DOCK1: variants seen among roughly 807,000 people sequenced by gnomAD.
DOCK1 encodes dedicator of cytokinesis protein 1.
A neutral mutation model predicts 262.7 loss-of-function variants in DOCK1; 138 were observed. That is an observed-to-expected ratio of 0.53 (90% confidence interval 0.46 to 0.61). The LOEUF (loss-of-function observed/expected upper bound fraction) is 0.61. Among genes scored for constraint, DOCK1 ranks in the 20% least tolerant of loss-of-function variants. The pLI is 0.00. For synonymous variants in DOCK1, 866 were observed against 867.4 expected (o/e 1.00, Z 0.03); for missense variants, 1,908 against 2,370.7 (o/e 0.80, Z 4.05).
intron 49 of DOCK1, among the ~76,000 whole-genome samples, chr10:127,442,753 T>C (rs1270918631): frequency 1.3e-5 from 2 of 152,242 alleles, no homozygotes; most frequent in African/African-American, 4.8e-5. Context: ...CAAAGCATGC[T>C]GAGCACAGCT....
At chr10:126,993,104 C>T (rs2039929175) in intron 6 of DOCK1, among the ~76,000 whole-genome samples, 1 of 152,222 alleles carries the variant, frequency 6.6e-6, no homozygotes, top group Non-Finnish European at 1.5e-5. Context: ...AATAACTTCT[C>T]CAAGCTTAGG....
intron 29 of DOCK1, among the ~76,000 whole-genome samples, chr10:127,318,076 G>A (rs895911180): frequency 1.3e-5 from 2 of 152,118 alleles, no homozygotes; most frequent in African/African-American, 4.8e-5. Flanking sequence ...AAGTAGAAAT[G>A]TACATAAGGA....
At chr10:127,435,553 G>T (rs777374437) in intron 48 of DOCK1, among the ~76,000 whole-genome samples, 2 of 152,104 alleles carry the variant, frequency 1.3e-5, no homozygotes, top group African/African-American at 2.4e-5. Context: ...CAGCAAGATT[G>T]CTAAAGAAAT....
intron 12 of DOCK1, among the ~76,000 whole-genome samples, chr10:127,016,768 A>G (rs1256615969): frequency 9.0e-6 from 1 of 111,610 alleles, no homozygotes; most frequent in East Asian, 2.6e-4. Flanking sequence ...TATAAACACC[A>G]CAAACACAGA....
intron 27 of DOCK1, among the ~76,000 whole-genome samples, chr10:127,168,505 A>G (rs1195704207): frequency 6.6e-6 from 1 of 152,224 alleles, no homozygotes; most frequent in Non-Finnish European, 1.5e-5. Flanking sequence ...GGCACTCAGT[A>G]TTCCAGAGAA....
At chr10:126,917,350 A>G (rs1394540627) in intron 1 of DOCK1, among the ~76,000 whole-genome samples, 1 of 152,186 alleles carries the variant, frequency 6.6e-6, no homozygotes, top group African/African-American at 2.4e-5. Flanking sequence ...ATTTTTTCAC[A>G]GCTCAACCAA....
intron 29 of DOCK1, among the ~76,000 whole-genome samples, chr10:127,329,610 GC>G (rs10708576): frequency 0.021 from 3,190 of 152,124 alleles, 102 homozygotes; most frequent in African/African-American, 0.072. Flanking sequence ...TTACAGTCAG[GC>G]TTTGCCCTCT....
intron 38 of DOCK1, among the ~76,000 whole-genome samples, chr10:127,394,665 C>T (rs1427459957): frequency 7.2e-5 from 11 of 152,210 alleles, no homozygotes; most frequent in Admixed American, 5.2e-4. Flanking sequence ...TGATTTGCTC[C>T]TATGCAGTAA....
At chr10:127,104,125 G>T (rs539565368) in intron 23 of DOCK1, among the ~76,000 whole-genome samples, 1 of 152,222 alleles carries the variant, frequency 6.6e-6, no homozygotes, top group South Asian at 2.1e-4. Context: ...GGGGAAGATT[G>T]TTTTCTCATT....
chr10:127,088,295 A>G (rs912781160), intron 23 of DOCK1, among the ~76,000 whole-genome samples: 2 of 152,152 alleles, frequency 1.3e-5, no homozygotes, highest in East Asian at 3.8e-4. Context: ...CCTTCAGTCA[A>G]TTTTGGAAGC....
At chr10:126,967,073 G>T (rs2037730287) in intron 1 of DOCK1, among the ~76,000 whole-genome samples, 1 of 152,094 alleles carries the variant, frequency 6.6e-6, no homozygotes, top group African/African-American at 2.4e-5. Context: ...TGAATGGGAC[G>T]CCATGAGCTT....
At chr10:127,151,546 C>T (rs1489544470) in intron 27 of DOCK1, among the ~76,000 whole-genome samples, 2 of 152,128 alleles carry the variant, frequency 1.3e-5, no homozygotes, top group Non-Finnish European at 2.9e-5. Context: ...GAATGCCTCT[C>T]CCATTTATAA....
intron 29 of DOCK1, among the ~76,000 whole-genome samples, chr10:127,309,181 T>A (rs2061975870): frequency 1.3e-5 from 2 of 150,044 alleles, no homozygotes; most frequent in Non-Finnish European, 2.9e-5. Context: ...ATTTCTCTAA[T>A]GATCAGTGAT....
At chr10:127,372,917 C>T (rs961791640) in intron 33 of DOCK1, among the ~76,000 whole-genome samples, 1 of 152,194 alleles carries the variant, frequency 6.6e-6, no homozygotes, top group African/African-American at 2.4e-5. Context: ...ATGGTAACCT[C>T]AGGGCCCCCT....
In DOCK1 at chr10:126,970,776, A is replaced by G; in HGVS notation, c.121A>G (p.Thr41Ala). Reference protein sequence around the residue: ...QIGDTVHILETYEGWYRGYTL... With the variant: ...QIGDTVHILEAYEGWYRGYTL... ...CGGAGACACTGTGCACATCTTAGAAACATATGAAGGTGCGTATGCATCTTG... is the reference window on the plus strand; with the variant it reads ...CGGAGACACTGTGCACATCTTAGAAGCATATGAAGGTGCGTATGCATCTTG... The change falls in exon 2 of 52, where the codon ACA (threonine) becomes GCA (alanine). Residue 41 changes from threonine to alanine, a missense_variant. This residue lies in a region of DOCK1 where 227 missense variants were observed against 254.1 expected (regional missense o/e 0.89). Transcript: ENST00000623213. The G allele has an allele frequency of 6.2e-7, 1 of 1,612,858 alleles. No homozygotes were observed. The highest frequency in any genetic ancestry group is 8.5e-7 in the Non-Finnish European group (1 of 1,179,084).
chr10:127,371,561 GTATGTTTGCC>G (rs1261362853), intron 33 of DOCK1, among the ~76,000 whole-genome samples: 3 of 152,160 alleles, frequency 2.0e-5, no homozygotes, highest in African/African-American at 7.2e-5. Flanking sequence ...TTAAATGCCT[GTATGTTTGCC>G]CATGTCAGGA....
intron 1 of DOCK1, among the ~76,000 whole-genome samples, chr10:126,942,731 A>T (rs2035115956): frequency 6.6e-6 from 1 of 152,196 alleles, no homozygotes; most frequent in Non-Finnish European, 1.5e-5. Context: ...TTAAAAGATA[A>T]GCATGATCTG....
chr10:127,062,327 G>A (rs1439172971), intron 23 of DOCK1, among the ~76,000 whole-genome samples: 2 of 152,092 alleles, frequency 1.3e-5, no homozygotes, highest in Admixed American at 6.5e-5. Context: ...ACAGGTATAC[G>A]ATGTGATCAA....
At chr10:127,296,179 G>A (rs2061498408) in intron 29 of DOCK1, among the ~76,000 whole-genome samples, 1 of 152,182 alleles carries the variant, frequency 6.6e-6, no homozygotes. Context: ...ATACCTGACT[G>A]TGCCGCATGC....
Sources: allele counts gnomAD v4.1 joint callset (sites outside exome capture counted in the v4.1 genomes callset), GRCh38; gene constraint gnomAD v4.1.1; regional missense constraint gnomAD v4.1.1; transcripts MANE v1.5; gene names NCBI Gene and HGNC (gene_info 2026-07-23, HGNC 2026-07-21).